Variants in LYRM4 observed in about 807,000 individuals in gnomAD.
LYRM4 encodes LYR motif containing 4.
In LYRM4, 9 loss-of-function variants were observed where a neutral mutation model predicts 11.7. That is an observed-to-expected ratio of 0.77 (90% confidence interval 0.46 to 1.34). The LOEUF (loss-of-function observed/expected upper bound fraction) is 1.34. LYRM4 is among the 40% of genes most tolerant of loss of function. The probability of loss-of-function intolerance (pLI) is 0.00; values close to 1 mark genes in which losing one functional copy is unlikely to be tolerated. For synonymous variants in LYRM4, 42 were observed against 40.4 expected, an observed-to-expected ratio of 1.04 and a Z score of -0.15; for missense variants, 133 against 112.5, an observed-to-expected ratio of 1.18 and a Z score of -0.82.
intron 2 of LYRM4, among the ~76,000 whole-genome samples, chr6:5,114,507 C>A (rs1190909592): frequency 1.3e-5 from 2 of 152,104 alleles, no homozygotes; most frequent in African/African-American, 2.4e-5. Context: ...GTGATCTGTG[C>A]CCCGTGGCAA....
At chr6:5,131,880 G>T (rs1300910862) in intron 2 of LYRM4, among the ~76,000 whole-genome samples, 1 of 152,158 alleles carries the variant, frequency 6.6e-6, no homozygotes, top group East Asian at 1.9e-4. Context: ...GAAGCAGCAG[G>T]ATACAACTCA....
chr6:5,243,201 C>T lies in LYRM4; in HGVS notation c.86+17447G>A, dbSNP rs1029600863. ...CTTGTCCCATTTGTTTTGCCTGTACCCTGTGCTTTCTTTTATTTGCAGTGC... is the reference window on the plus strand; with the variant it reads ...CTTGTCCCATTTGTTTTGCCTGTACTCTGTGCTTTCTTTTATTTGCAGTGC... On this transcript the variant is annotated intron_variant, in intron 1 of 2. Transcript: ENST00000330636. Among the ~76,000 whole-genome samples, 11 of 152,274 alleles carry T rather than the reference C, an allele frequency of 7.2e-5. No homozygotes were observed. In the East Asian group the frequency reaches 1.9e-3, roughly 27 times the overall value.
At chr6:5,231,500 A>G (rs1763240097) in intron 1 of LYRM4, among the ~76,000 whole-genome samples, 1 of 152,216 alleles carries the variant, frequency 6.6e-6, no homozygotes, top group African/African-American at 2.4e-5. Context: ...TTGAAGTTAA[A>G]GGGCTCTGAA....
intron 2 of LYRM4, among the ~76,000 whole-genome samples, chr6:5,157,205 T>A (rs1463358403): frequency 6.6e-6 from 1 of 152,232 alleles, no homozygotes; most frequent in Admixed American, 6.5e-5. Context: ...AAAAAGTATT[T>A]TCCCTAGATC....
At chr6:5,113,288 G>A (rs948711495) in intron 2 of LYRM4, 1 of 447,454 alleles carries the variant, frequency 2.2e-6, no homozygotes, top group East Asian at 7.3e-5. Context: ...TATAGGCCAT[G>A]GTGGCACGCG....
chr6:5,197,886 G>T (rs942279899), intron 2 of LYRM4, among the ~76,000 whole-genome samples: 1 of 151,042 alleles, frequency 6.6e-6, no homozygotes, highest in Non-Finnish European at 1.5e-5. Context: ...GAAAGGGAAG[G>T]CAGCGCCGGG....
intron 2 of LYRM4, among the ~76,000 whole-genome samples, chr6:5,189,177 A>C (rs1481631325): frequency 6.6e-6 from 1 of 152,234 alleles, no homozygotes; most frequent in African/African-American, 2.4e-5. Flanking sequence ...TCTTGTTTTT[A>C]GATTATAAAA....
intron 2 of LYRM4, among the ~76,000 whole-genome samples, chr6:5,119,818 A>AC (rs1561809306): frequency 1.3e-5 from 2 of 151,404 alleles, no homozygotes; most frequent in African/African-American, 4.8e-5. Flanking sequence ...AAAAAAAAAA[A>AC]AACAACCACA....
the LYRM4 span, among the ~76,000 whole-genome samples, chr6:5,049,132 T>A: frequency 6.6e-6 from 1 of 152,160 alleles, no homozygotes; most frequent in South Asian, 2.1e-4. Context: ...CTCATGGGCA[T>A]GACCGCTGTG....
At chr6:5,197,665 C>T (rs1025088877) in intron 2 of LYRM4, among the ~76,000 whole-genome samples, 3 of 152,058 alleles carry the variant, frequency 2.0e-5, no homozygotes, top group East Asian at 3.9e-4. Flanking sequence ...CAGAGTGAGA[C>T]GCTGCCTCAA....
chr6:5,233,271 G>A (rs529441717), intron 1 of LYRM4, among the ~76,000 whole-genome samples: 1 of 152,356 alleles, frequency 6.6e-6, no homozygotes, highest in East Asian at 1.9e-4. Flanking sequence ...CCGAAAGCAG[G>A]TGACAATCAG....
At chr6:5,054,539 G>A in the LYRM4 span, 2,538 of 153,842 alleles carry the variant, frequency 0.016, 83 homozygotes, top group African/African-American at 0.059. Context: ...TGCCCCGGGA[G>A]TCTTGGGAGT....
intron 2 of LYRM4, chr6:5,136,439 T>C (rs765913905): frequency 7.2e-4 from 709 of 978,110 alleles, no homozygotes; most frequent in Admixed American, 8.0e-4. Flanking sequence ...AAGACAAACC[T>C]GGTTTAAACA....
intron 2 of LYRM4, among the ~76,000 whole-genome samples, chr6:5,155,785 G>A (rs1758377312): frequency 6.6e-6 from 1 of 152,204 alleles, no homozygotes; most frequent in African/African-American, 2.4e-5. Flanking sequence ...ACTTAGGAAA[G>A]TTTAAGGCAT....
intron 1 of LYRM4, among the ~76,000 whole-genome samples, chr6:5,249,613 T>C (rs779473669): frequency 1.3e-5 from 2 of 152,222 alleles, no homozygotes; most frequent in African/African-American, 4.8e-5. Context: ...CAGTGATACA[T>C]TATGTCATAA....
the LYRM4 span, chr6:5,086,313 G>C: frequency 1.0e-5 from 16 of 1,535,728 alleles, no homozygotes; most frequent in Admixed American, 2.0e-5. Context: ...AGCCACAGCA[G>C]CCAGAGGCAC....
chr6:5,185,104 G>A (rs1581458352), intron 2 of LYRM4, among the ~76,000 whole-genome samples: 1 of 152,138 alleles, frequency 6.6e-6, no homozygotes. Flanking sequence ...ATCACAATAC[G>A]CTCCTACCTA....
At chr6:5,098,258 C>G in the LYRM4 span, among the ~76,000 whole-genome samples, 1 of 152,212 alleles carries the variant, frequency 6.6e-6, no homozygotes, top group East Asian at 1.9e-4. Flanking sequence ...CAGATGGACC[C>G]TCAGCCTCCC....
the LYRM4 span, among the ~76,000 whole-genome samples, chr6:5,036,444 C>A: frequency 5.9e-5 from 9 of 152,158 alleles, no homozygotes; most frequent in Non-Finnish European, 1.3e-4. Context: ...CTCTGAGATG[C>A]AACACCAGCT....
Sources: gnomAD v4.1 joint callset for allele counts (sites outside exome capture counted in the v4.1 genomes callset) on GRCh38, gnomAD v4.1.1 for gene constraint, MANE v1.5 for transcripts, NCBI Gene and HGNC (gene_info 2026-07-23, HGNC 2026-07-21) for gene names.